The following MBP variants were observed in gnomAD, a reference collection of about 807,000 sequenced individuals.
MBP encodes the protein myelin basic protein, also known as Golli-MBP.
MBP carries 16 observed loss-of-function variants against 35.8 expected under a neutral mutation model. That is an observed-to-expected ratio of 0.45 (90% CI 0.30 to 0.68). The LOEUF (loss-of-function observed/expected upper bound fraction) is 0.68, where lower values mean the gene tolerates loss of function less well. Among genes scored for constraint, MBP ranks in the 30% least tolerant of loss-of-function variants. The pLI, the probability that MBP is intolerant of heterozygous loss-of-function variation, is 0.08. For missense variants in MBP, 380 were observed against 404.7 expected (o/e 0.94, Z 0.52); for synonymous variants, 143 against 159.6 (o/e 0.90, Z 0.78).
At chr18:77,075,618 T>C (rs1207467909) in intron 2 of MBP, among the ~76,000 whole-genome samples, 1 of 152,108 alleles carries the variant, frequency 6.6e-6, no homozygotes, top group African/African-American at 2.4e-5. Flanking sequence ...TGCTGAAACA[T>C]GATGATGTTT....
At chr18:77,083,706 T>C (rs1975072571) in intron 2 of MBP, among the ~76,000 whole-genome samples, 1 of 152,232 alleles carries the variant, frequency 6.6e-6, no homozygotes, top group African/African-American at 2.4e-5. Flanking sequence ...TGCTGTAACA[T>C]GGATGAATCC....
At chr18:77,025,461 T>C (rs534504322) in intron 3 of MBP, among the ~76,000 whole-genome samples, 75 of 152,208 alleles carry the variant, frequency 4.9e-4, no homozygotes, top group African/African-American at 1.7e-3. Context: ...GATACGTTAA[T>C]GACTGTTAAA....
intron 4 of MBP, among the ~76,000 whole-genome samples, chr18:77,001,782 G>A (rs185445015): frequency 1.1e-4 from 17 of 152,184 alleles, no homozygotes; most frequent in South Asian, 4.1e-4. Flanking sequence ...CCTGGGAGGC[G>A]GAGGTTGCAG....
chr18:77,000,291 G>A (rs528296251), intron 4 of MBP, among the ~76,000 whole-genome samples: 2 of 152,296 alleles, frequency 1.3e-5, no homozygotes, highest in East Asian at 3.9e-4. Flanking sequence ...CTGGCTTTGT[G>A]CAAAAACACA....
At chr18:77,118,639 C>CA (rs776087086) in intron 1 of MBP, among the ~76,000 whole-genome samples, 1 of 106,668 alleles carries the variant, frequency 9.4e-6, no homozygotes, top group Non-Finnish European at 2.1e-5. Flanking sequence ...CACACACACA[C>CA]TACACACCAC....
At chr18:77,080,743 GTA>G (rs1369495436) in intron 2 of MBP, among the ~76,000 whole-genome samples, 6 of 152,072 alleles carry the variant, frequency 3.9e-5, no homozygotes, top group African/African-American at 1.4e-4. Flanking sequence ...GAGTGCAGTG[GTA>G]CAATCTCAGC....
At chr18:77,106,162 C>A (rs559733250) in intron 1 of MBP, among the ~76,000 whole-genome samples, 40 of 152,322 alleles carry the variant, frequency 2.6e-4, no homozygotes, top group African/African-American at 9.6e-4. Context: ...CTGTAGAACC[C>A]AGGAACAGCT....
At position 77,020,046 on chromosome 18, in the gene MBP, T is replaced by TG. The variant is rs1350968519; in HGVS notation, c.140-2779dup. Among the ~76,000 whole-genome samples the TG allele has an allele frequency of 6.6e-6, 1 of 151,992 alleles. No homozygotes were observed. ...GGAAAGGGCAGAGCAGGCAGCTATG[T>TG]GGCGAGAAGACAGGGCTTGGTTTGG... On this transcript the variant is annotated intron_variant, in intron 3 of 8. Coordinates refer to ENST00000355994, the MANE Select transcript of MBP (RefSeq NM_001025101.2). This position sits in a 1 kb window ranked among gnomAD's most constrained non-coding sequence, Gnocchi z 4.1.
In MBP at chr18:77,063,404, A is replaced by G. The variant is rs77725912; in HGVS notation, c.139+2894T>C. ...CCTGGGCCAGCCTCCCCTAGGGTGG[A>G]TGAAATGAGGATGCCTGGACCACAA... On this transcript the variant is annotated intron_variant, in intron 3 of 8. Coordinates refer to ENST00000355994, the MANE Select transcript of MBP (RefSeq NM_001025101.2). 2.5e-3 allele frequency among the ~76,000 whole-genome samples: 377 copies of G among 152,260 alleles called. 1 individual carries two copies. Among genetic ancestry groups the G allele is most frequent in the African/African-American group, 8.7e-3 (362 of 41,552 alleles).
At chr18:77,085,526 T>G (rs1355893912) in intron 2 of MBP, among the ~76,000 whole-genome samples, 1 of 152,200 alleles carries the variant, frequency 6.6e-6, no homozygotes, top group Non-Finnish European at 1.5e-5. Flanking sequence ...TGACAGTATC[T>G]GGTGCTCAGC....
intron 2 of MBP, among the ~76,000 whole-genome samples, chr18:77,080,515 C>T (rs904791087): frequency 1.8e-4 from 28 of 152,330 alleles, no homozygotes; most frequent in African/African-American, 6.5e-4. Flanking sequence ...GCGTTGACAA[C>T]CAGACCGTCT....
intron 3 of MBP, among the ~76,000 whole-genome samples, chr18:77,062,529 C>T (rs1974023984): frequency 6.7e-6 from 1 of 149,552 alleles, no homozygotes; most frequent in Non-Finnish European, 1.5e-5. Context: ...AAAAACAAAT[C>T]ACAGAAGATA....
intron 1 of MBP, chr18:77,113,887 A>G (rs542631053): frequency 6.6e-6 from 1 of 152,350 alleles, no homozygotes; most frequent in South Asian, 2.1e-4. Flanking sequence ...GCAAAGGACA[A>G]TGTCAAAACT....
chr18:77,012,815 G>A, intron 4 of MBP: 1 of 985,304 alleles, frequency 1.0e-6, no homozygotes, highest in African/African-American at 1.7e-5. Context: ...ACTGTTTAAT[G>A]AATGCATAAA....
At chr18:77,124,478 G>A (rs1976983926) in intron 1 of MBP, among the ~76,000 whole-genome samples, 1 of 151,320 alleles carries the variant, frequency 6.6e-6, no homozygotes, top group Non-Finnish European at 1.5e-5. Context: ...TTGGGGCTCA[G>A]TAGCTGCTGT....
intron 3 of MBP, among the ~76,000 whole-genome samples, chr18:77,026,014 C>T (rs758991595): frequency 3.9e-5 from 6 of 152,264 alleles, no homozygotes; most frequent in Non-Finnish European, 7.3e-5. Flanking sequence ...TGCTCCCAGC[C>T]TGTGCCATGG....
In MBP at chr18:77,084,959, G is replaced by GGAGA. The variant is rs56132737; in HGVS notation, c.52-18578_52-18575dup. On this transcript the variant is annotated intron_variant, in intron 2 of 8. Transcript: ENST00000355994. ...TGATCACATTAAGAAGGGGGAGGGG[G>GGAGA]GAGAGAGAGAGAGAGAGAGAGAGAT... Among the ~76,000 whole-genome samples, 19 of 150,952 alleles carry GGAGA rather than the reference G, an allele frequency of 1.3e-4. 1 individual carries two copies. The highest frequency in any genetic ancestry group is 3.4e-3 in the Middle Eastern group (1 of 292).
chr18:76,979,129 ACTC>A lies in MBP; in HGVS notation c.*1295_*1297del, dbSNP rs758631864. 2.0e-5 allele frequency: 3 copies of A among 152,160 alleles called. No homozygotes were observed. Among genetic ancestry groups the A allele is most frequent in the African/African-American group, 2.4e-5 (1 of 41,516 alleles). 9.4% of individuals were successfully genotyped at this position (152,160 alleles called of 1,614,324 possible). ...GACGCGTTTTGGCATCACGCTGACT[ACTC>A]CTCATCTCCGTCCTCGGGGAGGGTG... On this transcript the variant is annotated 3_prime_UTR_variant, in exon 9 of 9. Coordinates refer to ENST00000355994, the MANE Select transcript of MBP (RefSeq NM_001025101.2).
At position 76,990,026 on chromosome 18, in the gene MBP, C is replaced by A. The variant is rs763871565; in HGVS notation, c.611G>T (p.Gly204Val). The A allele has an allele frequency of 1.2e-6, 2 of 1,612,974 alleles. No homozygotes were observed. Among genetic ancestry groups the A allele is most frequent in the East Asian group, 2.2e-5 (1 of 44,878 alleles). The change falls in exon 5 of 9, where the codon GGC (glycine) becomes GTC (valine). Residue 204 changes from glycine to valine, a missense_variant. Transcript: ENST00000355994. ...SHHPARTAHY[G>V]SLPQKSHGRT... ...GCCGTGTGACTTCTGGGGCAGGGAGCCGTAGTGAGCAGTTCTTGCCGGGTG... is the reference window on the plus strand; with the variant it reads ...GCCGTGTGACTTCTGGGGCAGGGAGACGTAGTGAGCAGTTCTTGCCGGGTG...
Sources: allele counts gnomAD v4.1 joint callset (sites outside exome capture counted in the v4.1 genomes callset), GRCh38; gene constraint gnomAD v4.1.1; non-coding constraint Gnocchi (gnomAD v3.1); transcripts MANE v1.5; gene names NCBI Gene and HGNC (gene_info 2026-07-23, HGNC 2026-07-21).